SLC12A5: variants seen among roughly 807,000 people sequenced by gnomAD.
The protein encoded by SLC12A5 is solute carrier family 12 member 5, also known as K-Cl cotransporter 2.
Under a neutral mutation model 124.0 loss-of-function variants are expected in SLC12A5, and 18 were observed. That is an observed-to-expected ratio of 0.15 (90% CI 0.10 to 0.22). The LOEUF (loss-of-function observed/expected upper bound fraction) is 0.22, where lower values mean the gene tolerates loss of function less well. Ranked by LOEUF, SLC12A5 falls within the 10% of genes least tolerant of loss-of-function variation. SLC12A5 has a pLI of 1.00. For missense variants in SLC12A5, 867 were observed against 1,478.7 expected (o/e 0.59, Z 6.78); for synonymous variants, 589 against 568.0 (o/e 1.04, Z -0.53).
chr20:46,051,507 A>T (rs1421622358), intron 17 of SLC12A5, among the ~76,000 whole-genome samples, 168 bp from the exon 18 acceptor site: 1 of 152,108 alleles, frequency 6.6e-6, no homozygotes, highest in East Asian at 1.9e-4. Context: ...CACAGAGATG[A>T]TGGGGAGCCA....
Position 46,059,441 on chromosome 20 carries a change from C to T in SLC12A5, c.*1836C>T, listed in dbSNP as rs1338725850. On this transcript the variant is annotated 3_prime_UTR_variant, in exon 26 of 26. Coordinates refer to ENST00000243964, the MANE Select transcript of SLC12A5 (RefSeq NM_020708.5). ...ATCAGGAAGCTGGAGGTGTTAGACA[C>T]CAGCCCCCTGCATCCTTCAGTAGAC... is the stretch of plus-strand genomic sequence containing the variant. The T allele has an allele frequency of 2.5e-6, 1 of 397,686 alleles. No homozygotes were observed. The highest frequency in any genetic ancestry group is 4.4e-6 in the Non-Finnish European group (1 of 225,642). The allele number at this position is 397,686 out of a possible 1,614,324, so 24.6% of individuals were successfully genotyped here. A position where few individuals can be genotyped will look rare whatever the true frequency, so the allele number is the denominator to read the frequency against.
In SLC12A5 at chr20:46,043,528, G is replaced by C. The variant is rs184815357; in HGVS notation, c.1238-105G>C. ...GGTCTCACACAAGCCAGTATGTTAGGACTAGATCCCAGACTCACTGACCCT... is the reference window on the plus strand; with the variant it reads ...GGTCTCACACAAGCCAGTATGTTAGCACTAGATCCCAGACTCACTGACCCT... On this transcript the variant is annotated intron_variant, in intron 9 of 25. Transcript: ENST00000243964. 4.8e-3 allele frequency: 6,180 copies of C among 1,282,404 alleles called. 34 individuals carry two copies. Among genetic ancestry groups the C allele is most frequent in the Non-Finnish European group, 4.9e-3 (4,372 of 898,552 alleles). The allele number at this position is 1,282,404 out of a possible 1,614,324, so 79.4% of individuals were successfully genotyped here. A position where few individuals can be genotyped will look rare whatever the true frequency, so the allele number is the denominator to read the frequency against.
Position 46,045,226 on chromosome 20 carries a change from C to T in SLC12A5, c.1569+86C>T, listed in dbSNP as rs2084584421. On this transcript the variant is annotated intron_variant, in intron 12 of 25. Transcript: ENST00000243964. This position sits in a 1 kb window ranked among gnomAD's most constrained non-coding sequence, Gnocchi z 4.9. Reference sequence around the variant, plus strand: ...ACCACACAGTGACCCAGGGCCATAACCAGCCTTAGACTACCTCCTGGGCCA... The same window carrying T: ...ACCACACAGTGACCCAGGGCCATAATCAGCCTTAGACTACCTCCTGGGCCA... 6.9e-7 allele frequency: 1 copy of T among 1,451,586 alleles called. No individual in the cohort carries two copies. Among genetic ancestry groups the T allele is most frequent in the Non-Finnish European group, 9.1e-7 (1 of 1,093,784 alleles). 89.9% of individuals were successfully genotyped at this position (1,451,586 alleles called of 1,614,324 possible). A position where few individuals can be genotyped will look rare whatever the true frequency, so the allele number is the denominator to read the frequency against.
chr20:46,022,079 G>A, intron 1 of SLC12A5: 2 of 693,932 alleles, frequency 2.9e-6, no homozygotes, highest in South Asian at 5.3e-5. Context: ...AGTGTGGAGG[G>A]GGAGGGGCCA....
chr20:46,034,884 G>T, intron 1 of SLC12A5, 64 bp from the exon 2 acceptor site: 1 of 1,461,084 alleles, frequency 6.8e-7, no homozygotes, highest in South Asian at 1.1e-5. Flanking sequence ...CTACACCACT[G>T]TATGCCCAGG....
At chr20:46,029,530 A>G in intron 1 of SLC12A5, 134 bp downstream of exon 1, 2 of 954,772 alleles carry the variant, frequency 2.1e-6, no homozygotes, top group Non-Finnish European at 3.1e-6. Context: ...CGCCAGTTGC[A>G]GCCTGGAGCT....
intron 1 of SLC12A5, chr20:46,021,988 G>A (rs1195544701): frequency 4.6e-6 from 6 of 1,293,192 alleles, no homozygotes; most frequent in East Asian, 5.9e-5. Flanking sequence ...GACCGGGGGC[G>A]GGGAGGGGTC....
chr20:46,051,880 T>C lies in SLC12A5; in HGVS notation c.2377+10T>C, dbSNP rs369281155. 1.2e-4 allele frequency: 172 copies of C among 1,456,962 alleles called. No individual in the cohort carries two copies. The highest frequency in any genetic ancestry group is 1.1e-3 in the African/African-American group (76 of 67,564). The allele number at this position is 1,456,962 out of a possible 1,614,324, so 90.3% of individuals were successfully genotyped here. On this transcript the variant is annotated intron_variant, in intron 18 of 25. Transcript: ENST00000243964. ...TGGAGGAACTTCATTGGTAACGCTA[T>C]TGGGGGCTGGGGACAGAAGAGGGGT... is the stretch of plus-strand genomic sequence containing the variant.
downstream of SLC12A5, chr20:46,023,638 C>T: frequency 2.5e-6 from 1 of 394,368 alleles, no homozygotes; most frequent in Non-Finnish European, 4.5e-6. Flanking sequence ...TTCATTCTCC[C>T]ACCTCCATCA....
chr20:46,054,951 G>A lies in SLC12A5; in HGVS notation c.2715G>A (p.Lys905=), dbSNP rs1166092081. 6.2e-7 allele frequency: 1 copy of A among 1,613,702 alleles called. No individual in the cohort carries two copies. The highest frequency in any genetic ancestry group is 1.7e-5 in the Admixed American group (1 of 59,958). The change falls in exon 21 of 26, where the codon AAG becomes AAA. Residue 905 remains lysine (K), a synonymous_variant. Transcript: ENST00000243964. ...ACATCTCAGCTTACACCTATGAGAA[G>A]ACGTTGGTGATGGAGCAGCGTTCCC... ...ESDISAYTYE[K]TLVMEQRSQI...
At position 46,057,537 on chromosome 20, in the gene SLC12A5, A is replaced by G; in HGVS notation, c.3283A>G (p.Thr1095Ala). ...AGACATGGAGTTTCTCGAGGTCCTC[A>G]CAGAGCACCTGGACCGGGTGATGCT... Reference protein sequence around the residue: ...ENYMEFLEVLTEHLDRVMLVR... With the variant: ...ENYMEFLEVLAEHLDRVMLVR... Residue 1095 changes from threonine (T) to alanine (A), a missense_variant, in exon 26 of 26, where the codon ACA becomes GCA. Coordinates refer to ENST00000243964, the MANE Select transcript of SLC12A5 (RefSeq NM_020708.5). The surrounding 1 kb of genome is among the most constrained non-coding windows in gnomAD (Gnocchi z 7.1). 1 of 1,614,068 alleles carries G rather than the reference A, an allele frequency of 6.2e-7. No individual in the cohort carries two copies. Among genetic ancestry groups the G allele is most frequent in the Non-Finnish European group, 8.5e-7 (1 of 1,179,992 alleles).
At chr20:46,043,753 G>T in intron 10 of SLC12A5, 22 bp downstream of exon 10, 1 of 1,614,010 alleles carries the variant, frequency 6.2e-7, no homozygotes, top group Non-Finnish European at 8.5e-7. Context: ...AGCTGTGCTG[G>T]GACCACCCTC....
chr20:46,035,518 A>G lies in SLC12A5; in HGVS notation c.262A>G (p.Lys88Glu). Residue 88 changes from lysine (K) to glutamate (E), a missense_variant, in exon 3 of 26, where the codon AAA (lysine) becomes GAA (glutamate). By Grantham distance (56) the Lys-to-Glu change is moderately conservative. Coordinates refer to ENST00000243964, the MANE Select transcript of SLC12A5 (RefSeq NM_020708.5). ...HEEAENNEGG[K>E]KKPVQAPRMG... is the part of the protein sequence containing the mutation. ...AGAGGCAGAAAACAATGAGGGTGGA[A>G]AAAAGAAGCCGGTGCAGGTGAGGAC... The G allele has an allele frequency of 1.2e-6, 2 of 1,613,852 alleles. No individual in the cohort carries two copies. The highest frequency in any genetic ancestry group is 2.2e-5 in the South Asian group (2 of 91,066).
At chr20:46,031,663 C>T (rs558316039) in intron 1 of SLC12A5, among the ~76,000 whole-genome samples, 1 of 152,320 alleles carries the variant, frequency 6.6e-6, no homozygotes, top group South Asian at 2.1e-4. Context: ...TAGGGATTCC[C>T]CCAGGCCCAG....
chr20:46,045,566 G>A lies in SLC12A5; in HGVS notation c.1570-312G>A, dbSNP rs762777124. Among the ~76,000 whole-genome samples, 38 of 152,034 alleles carry A rather than the reference G, an allele frequency of 2.5e-4. No individual in the cohort carries two copies. Among genetic ancestry groups the A allele is most frequent in the Non-Finnish European group, 3.4e-4 (23 of 68,008 alleles). ...TACCATGGTGCTAAAAAAAAAAGACGGATGGAGCACAGGGTCGTGGTGGCT... is the reference window on the plus strand; with the variant it reads ...TACCATGGTGCTAAAAAAAAAAGACAGATGGAGCACAGGGTCGTGGTGGCT... On this transcript the variant is annotated intron_variant, in intron 12 of 25. Coordinates refer to ENST00000243964, the MANE Select transcript of SLC12A5 (RefSeq NM_020708.5). The surrounding 1 kb of genome is among the most constrained non-coding windows in gnomAD (Gnocchi z 4.9).
At position 46,043,743 on chromosome 20, in the gene SLC12A5, A is replaced by G; in HGVS notation, c.1336+12A>G. The G allele has an allele frequency of 6.2e-7, 1 of 1,614,142 alleles. No homozygotes were observed. The highest frequency in any genetic ancestry group is 1.1e-5 in the South Asian group (1 of 91,082). ...CACCTCTGCTGTCTGTATCCTGCAC[A>G]GCTGTGCTGGGACCACCCTCGGGGG... is the stretch of plus-strand genomic sequence containing the variant. On this transcript the variant is annotated intron_variant, in intron 10 of 25. Transcript: ENST00000243964.
chr20:46,038,255 G>A (rs1394473210), intron 6 of SLC12A5: 1 of 152,106 alleles, frequency 6.6e-6, no homozygotes, highest in Non-Finnish European at 1.5e-5. Context: ...CTGGAGGGCA[G>A]TGGTGCAGTC....
chr20:46,058,650 T>C lies in SLC12A5; in HGVS notation c.*1045T>C, dbSNP rs903382785. ...TCTCCTCAGTCGGCTTGTCGCCTGC[T>C]CCCCGTATCCCATGGCTCCTCGCCA... On this transcript the variant is annotated 3_prime_UTR_variant, in exon 26 of 26. Transcript: ENST00000243964. The surrounding 1 kb of genome is among the most constrained non-coding windows in gnomAD (Gnocchi z 5.8). The C allele has an allele frequency of 2.5e-6, 1 of 398,716 alleles. No homozygotes were observed. The highest frequency in any genetic ancestry group is 2.1e-5 in the African/African-American group (1 of 48,520). 24.7% of individuals were successfully genotyped at this position (398,716 alleles called of 1,614,324 possible).
In SLC12A5 at chr20:46,029,444, A is replaced by T. The variant is rs1303633859; in HGVS notation, c.52+48A>T. The T allele has an allele frequency of 2.6e-6, 4 of 1,537,384 alleles. No individual in the cohort carries two copies. In the South Asian group the frequency reaches 4.8e-5, roughly 19 times the overall value. ...CGGGGGAGGGGGCAGCGAGGAGAGG[A>T]GGCAGCTCTGGGGTTAGAGGCGGAG... On this transcript the variant is annotated intron_variant, in intron 1 of 25. Transcript: ENST00000243964.
Sources: gnomAD v4.1 joint callset for allele counts (sites outside exome capture counted in the v4.1 genomes callset) on GRCh38, gnomAD v4.1.1 for gene constraint, Gnocchi (gnomAD v3.1) non-coding constraint, MANE v1.5 for transcripts, NCBI Gene and HGNC (gene_info 2026-07-23, HGNC 2026-07-21) for gene names.